Variants in SYDE2 observed in about 807,000 individuals in gnomAD.
The protein encoded by SYDE2 is rho GTPase-activating protein SYDE2.
Under a neutral mutation model 91.5 loss-of-function variants are expected in SYDE2, and 76 were observed. The observed-to-expected ratio is 0.83, with a 90% CI of 0.69 to 1.01. The LOEUF (loss-of-function observed/expected upper bound fraction) is 1.01. SYDE2 is among the 50% of genes least tolerant of loss of function. SYDE2 has a pLI of 0.00. For missense variants in SYDE2, 1,364 were observed against 1,367.7 expected, an observed-to-expected ratio of 1.00 and a Z score of 0.04; for synonymous variants, 513 against 506.4, an observed-to-expected ratio of 1.01 and a Z score of -0.18.
downstream of SYDE2, among the ~76,000 whole-genome samples, chr1:85,156,452 C>A (rs867907052): frequency 2.7e-5 from 4 of 150,356 alleles, no homozygotes; most frequent in Non-Finnish European, 4.4e-5. Flanking sequence ...ACAGTTGACA[C>A]TACAGAAAGA....
chr1:85,167,463 TTGAC>T (rs375683757), intron 5 of SYDE2, among the ~76,000 whole-genome samples: 82 of 152,324 alleles, frequency 5.4e-4, no homozygotes, highest in African/African-American at 1.8e-3. Flanking sequence ...TATTGACTGA[TTGAC>T]TGACTGAGAC....
chr1:85,192,090 G>C (rs1484630220), intron 1 of SYDE2, among the ~76,000 whole-genome samples: 2 of 152,124 alleles, frequency 1.3e-5, no homozygotes, highest in Admixed American at 6.6e-5. Context: ...AAAATAGAGT[G>C]ATAAAACACA....
rs1382096859 is a variant in SYDE2, at chr1:85,158,642, T to A, written c.*108A>T. The A allele has an allele frequency of 1.8e-6, 1 of 560,420 alleles. No individual in the cohort carries two copies. The highest frequency in any genetic ancestry group is 2.0e-5 in the African/African-American group (1 of 50,974). 34.7% of individuals were successfully genotyped at this position (560,420 alleles called of 1,614,324 possible). A position where few individuals can be genotyped will look rare whatever the true frequency, so the allele number is the denominator to read the frequency against. The stretch of plus-strand genomic sequence containing the variant: ...TCAGATAAACTTATTAAAAATTAAT[T>A]AAAGATTTCAAGAGTAAAAAAATGA... On this transcript the variant is annotated 3_prime_UTR_variant, in exon 7 of 7. Transcript: ENST00000341460.
At position 85,165,597 on chromosome 1, in the gene SYDE2, A is replaced by T. The variant is rs572966207; in HGVS notation, c.2854-840T>A. ...TAATATACATATAAATAAATAAATA[A>T]ATATATATATGTGGTAAATAAACCT... On this transcript the variant is annotated intron_variant, in intron 5 of 6. Transcript: ENST00000341460. 4.5e-3 allele frequency among the ~76,000 whole-genome samples: 673 copies of T among 150,802 alleles called. 5 individuals carry two copies. Among genetic ancestry groups the T allele is most frequent in the African/African-American group, 0.015 (609 of 41,282 alleles).
chr1:85,155,031 GAAAAA>G (rs1656847457), downstream of SYDE2, among the ~76,000 whole-genome samples: 1 of 98,826 alleles, frequency 1.0e-5, no homozygotes, highest in Admixed American at 9.6e-5. Flanking sequence ...AAAAAGAAAA[GAAAAA>G]GAAAAAAGAA....
At chr1:85,156,274 T>C (rs1276508193), downstream of SYDE2, among the ~76,000 whole-genome samples, 2 of 151,954 alleles carry the variant, frequency 1.3e-5, no homozygotes, top group Non-Finnish European at 2.9e-5. Flanking sequence ...GGGCTGGGCA[T>C]AGTGGCTCAC....
At chr1:85,165,890 T>TTTTC (rs1557742172) in intron 5 of SYDE2, among the ~76,000 whole-genome samples, 1 of 75,516 alleles carries the variant, frequency 1.3e-5, no homozygotes, top group Non-Finnish European at 2.8e-5. Context: ...TTTTTTTTTT[T>TTTTC]GGAGACAGGG....
Position 85,183,169 on chromosome 1 carries a change from A to G in SYDE2, c.1473T>C (p.Thr491=). The part of the protein sequence containing the change: ...GSGILAATNS[T]ELGIMEPSSP... Reference sequence around the variant, plus strand: ...AAGATGGTTCCATAATTCCCAATTCAGTACTATTTGTAGCAGCCAGGATCC... The same window carrying G: ...AAGATGGTTCCATAATTCCCAATTCGGTACTATTTGTAGCAGCCAGGATCC... The change falls in exon 3 of 7, where the codon ACT becomes ACC. Residue 491 remains threonine (T), a synonymous_variant. Transcript: ENST00000341460. 1 of 1,586,012 alleles carries G rather than the reference A, an allele frequency of 6.3e-7. No individual in the cohort carries two copies. The highest frequency in any genetic ancestry group is 8.5e-7 in the Non-Finnish European group (1 of 1,170,526).
In SYDE2 at chr1:85,182,921, A is replaced by G. The variant is rs951495902; in HGVS notation, c.1721T>C (p.Ile574Thr). 31 of 1,613,778 alleles carry G rather than the reference A, an allele frequency of 1.9e-5. No homozygotes were observed. The highest frequency in any genetic ancestry group is 8.3e-5 in the Admixed American group (5 of 59,994). ...GGTGGTTGTGTTCCCAGAGGGCAGA[A>G]TATCAGTATGATGAACTTCTCGGCA... ...YNCREVHHTD[I>T]LPSGNTTTAA... Residue 574 changes from isoleucine to threonine, a missense_variant, in exon 3 of 7, where the codon ATT (isoleucine) becomes ACT (threonine). Ile to Thr is a moderately conservative substitution (Grantham distance 89, BLOSUM62 -1). Transcript: ENST00000341460.
chr1:85,166,203 G>T (rs1274564984), intron 5 of SYDE2, among the ~76,000 whole-genome samples: 3 of 151,940 alleles, frequency 2.0e-5, no homozygotes. Context: ...TAGCTGGTGT[G>T]GTGGTGCACA....
chr1:85,168,947 C>T, intron 5 of SYDE2, 97 bp downstream of exon 5: 1 of 1,135,010 alleles, frequency 8.8e-7, no homozygotes, highest in Non-Finnish European at 1.3e-6. Flanking sequence ...CCATGAGTGC[C>T]ACAAATGTCA....
At chr1:85,162,850 G>C (rs1161106372) in intron 6 of SYDE2, among the ~76,000 whole-genome samples, 1 of 152,118 alleles carries the variant, frequency 6.6e-6, no homozygotes, top group Non-Finnish European at 1.5e-5. Flanking sequence ...GTAATGACAA[G>C]ATGGCTTTCT....
In SYDE2 at chr1:85,182,403, A is replaced by G; in HGVS notation, c.2239T>C (p.Phe747Leu). The change falls in exon 3 of 7, where the codon TTC becomes CTC. Residue 747 changes from phenylalanine to leucine, a missense_variant. By Grantham distance (22) the Phe-to-Leu change is conservative (BLOSUM62 0). Coordinates refer to ENST00000341460, the MANE Select transcript of SYDE2 (RefSeq NM_032184.2). Reference protein sequence around the residue: ...ENAQHLKLVVFSWEPTPRKNR... With the variant: ...ENAQHLKLVVLSWEPTPRKNR... ...TTTCTTGGAGTGGGTTCCCAACTGA[A>G]TACTACTAGTTTCAAATGTTGTGCA... 6.2e-7 allele frequency: 1 copy of G among 1,613,808 alleles called. No homozygotes were observed. The highest frequency in any genetic ancestry group is 8.5e-7 in the Non-Finnish European group (1 of 1,179,792).
At chr1:85,165,892 G>A (rs992935936) in intron 5 of SYDE2, among the ~76,000 whole-genome samples, 8 of 72,290 alleles carry the variant, frequency 1.1e-4, no homozygotes, top group Non-Finnish European at 1.8e-4. Flanking sequence ...TTTTTTTTTG[G>A]AGACAGGGTC....
rs1657200119 is a variant in SYDE2 at position 85,164,681 on chromosome 1, T to C, written c.2930A>G (p.Asn977Ser). Residue 977 changes from asparagine (N) to serine (S), a missense_variant, in exon 6 of 7, where the codon AAT becomes AGT. By Grantham distance (46) the Asn-to-Ser change is conservative. Transcript: ENST00000341460. The stretch of plus-strand genomic sequence containing the variant: ...TACTGGTCCAAAGCACACAGCCAAA[T>C]TCTGGCACGTCATCTTATTCACTTC... ...YHEVNKMTCQ[N>S]LAVCFGPVLL... 2.6e-6 allele frequency: 4 copies of C among 1,542,616 alleles called. No homozygotes were observed. The South Asian group carries it at 5.0e-5, about 19-fold the overall frequency.
intron 5 of SYDE2, among the ~76,000 whole-genome samples, chr1:85,168,827 G>A (rs1439489876): frequency 2.0e-5 from 3 of 151,986 alleles, no homozygotes; most frequent in Non-Finnish European, 2.9e-5. Context: ...ATTCATGCTT[G>A]GGCTAAAATC....
downstream of SYDE2, chr1:85,153,287 T>A (rs1025839229): frequency 1.3e-5 from 2 of 152,142 alleles, no homozygotes; most frequent in Admixed American, 1.3e-4. Context: ...AGAGGAAATA[T>A]GAGATTGAGG....
rs191147544 is a variant in SYDE2 at position 85,164,745 on chromosome 1, T to C, written c.2866A>G (p.Met956Val). The C allele has an allele frequency of 3.6e-6, 5 of 1,382,970 alleles. No individual in the cohort carries two copies. The Admixed American group carries it at 1.1e-4, about 29-fold the overall frequency. 85.7% of individuals were successfully genotyped at this position (1,382,970 alleles called of 1,614,324 possible). ...LPEIEKATLKMLLDHLKLVAS... is the reference protein window; with the variant it reads ...LPEIEKATLKVLLDHLKLVAS... ...ACCAATTTCAAATGATCCAACAACA[T>C]CTTTAGGGTTGCCTAAATTAAATTA... is the stretch of plus-strand genomic sequence containing the variant. The change falls in exon 6 of 7, where the codon ATG becomes GTG. Residue 956 changes from methionine to valine, a missense_variant. Transcript: ENST00000341460.
chr1:85,195,953 G>A (rs1457407054), intron 1 of SYDE2, among the ~76,000 whole-genome samples: 1 of 152,120 alleles, frequency 6.6e-6, no homozygotes, highest in East Asian at 1.9e-4. Context: ...CTTATCCAAG[G>A]TCACAAGCCT....
Sources: allele counts gnomAD v4.1 joint callset (sites outside exome capture counted in the v4.1 genomes callset), GRCh38; gene constraint gnomAD v4.1.1; transcripts MANE v1.5; gene names NCBI Gene and HGNC (gene_info 2026-07-23, HGNC 2026-07-21).